Variants in DPF3 observed in about 807,000 individuals in gnomAD.
DPF3 encodes the protein zinc finger protein DPF3.
In DPF3, 18 loss-of-function variants were observed where a neutral mutation model predicts 56.8. The observed-to-expected ratio is 0.32, with a 90% confidence interval of 0.22 to 0.47. The LOEUF (loss-of-function observed/expected upper bound fraction) is 0.47. Among genes scored for constraint, DPF3 ranks in the 20% least tolerant of loss-of-function variants. DPF3 has a pLI of 1.00. For synonymous variants in DPF3, 188 were observed against 180.2 expected (o/e 1.04, Z -0.35); for missense variants, 403 against 488.8 (o/e 0.82, Z 1.65).
intron 8 of DPF3, among the ~76,000 whole-genome samples, chr14:72,653,436 G>A (rs976050352): frequency 3.9e-5 from 6 of 152,244 alleles, no homozygotes; most frequent in South Asian, 2.1e-4. Flanking sequence ...GGTGAAGAGC[G>A]AAGAGAATCA....
intron 7 of DPF3, among the ~76,000 whole-genome samples, chr14:72,687,062 G>T (rs1887443482): frequency 6.6e-6 from 1 of 152,208 alleles, no homozygotes; most frequent in African/African-American, 2.4e-5. Context: ...CTAATTTTCA[G>T]ATTATCTAAT....
At chr14:72,633,051 A>G (rs1885262011) in intron 8 of DPF3, among the ~76,000 whole-genome samples, 1 of 152,194 alleles carries the variant, frequency 6.6e-6, no homozygotes, top group Non-Finnish European at 1.5e-5. Flanking sequence ...TTAAAGAAAT[A>G]CTTGACAGGA....
chr14:72,834,235 G>A lies in DPF3; in HGVS notation c.32+59822C>T, dbSNP rs545669615. Reference sequence around the variant, plus strand: ...AATGAGGCCAGGCATGGAGTCTGACGCCTGTAACGCCAACACTTTGGGAGG... The same window carrying A: ...AATGAGGCCAGGCATGGAGTCTGACACCTGTAACGCCAACACTTTGGGAGG... On this transcript the variant is annotated intron_variant, in intron 1 of 10. Transcript: ENST00000556509. 1.1e-4 allele frequency among the ~76,000 whole-genome samples: 16 copies of A among 152,046 alleles called. No individual in the cohort carries two copies. In the East Asian group the frequency reaches 2.5e-3, roughly 24 times the overall value.
chr14:72,848,165 A>T (rs1027293899), intron 1 of DPF3, among the ~76,000 whole-genome samples: 7 of 150,718 alleles, frequency 4.6e-5, no homozygotes, highest in South Asian at 2.1e-4. Flanking sequence ...AATTTTTTTT[A>T]TTTTTTTTTG....
At position 72,723,909 on chromosome 14, in the gene DPF3, C is replaced by T. The variant is rs1889287794; in HGVS notation, c.430-181G>A. The T allele has an allele frequency of 8.8e-6, 5 of 569,632 alleles. No homozygotes were observed. The South Asian group carries it at 9.4e-5, about 11-fold the overall frequency. The allele number at this position is 569,632 out of a possible 1,614,324, so 35.3% of individuals were successfully genotyped here. ...CTGGAGTTTGAACTCTTGGCACTAC[C>T]GAGGCTCTCCTAAGCCCTTGGGCCC... On this transcript the variant is annotated intron_variant, in intron 4 of 10. Coordinates refer to ENST00000556509, the MANE Select transcript of DPF3 (RefSeq NM_001280542.3).
chr14:72,787,016 T>C (rs568788983), intron 1 of DPF3, among the ~76,000 whole-genome samples: 1 of 152,354 alleles, frequency 6.6e-6, no homozygotes, highest in South Asian at 2.1e-4. Context: ...AGCATTGCCC[T>C]CTCTCCAGAG....
chr14:72,639,867 T>C (rs376658581), intron 8 of DPF3, among the ~76,000 whole-genome samples: 1 of 151,684 alleles, frequency 6.6e-6, no homozygotes, highest in Admixed American at 6.6e-5. Context: ...CTATTATATA[T>C]AGAGAGAGAG....
intron 1 of DPF3, among the ~76,000 whole-genome samples, chr14:72,820,589 A>C (rs1379594184): frequency 1.3e-5 from 2 of 152,206 alleles, no homozygotes; most frequent in Non-Finnish European, 2.9e-5. Flanking sequence ...TTTAGCAGGA[A>C]CATTAAAGTT....
At chr14:72,834,034 T>C (rs1884175683) in intron 1 of DPF3, among the ~76,000 whole-genome samples, 1 of 151,458 alleles carries the variant, frequency 6.6e-6, no homozygotes, top group African/African-American at 2.4e-5. Context: ...ATACAAAAAT[T>C]AGCCAGGTGT....
rs372440062 is a variant in DPF3, at chr14:72,733,250, G to A, written c.302-1316C>T. 4.6e-5 allele frequency among the ~76,000 whole-genome samples: 7 copies of A among 152,308 alleles called. No homozygotes were observed. The South Asian group carries it at 1.5e-3, about 32-fold the overall frequency. ...TACCATTGCACCAGGTAAGCTGGGG[G>A]CAGGAACTATGATGCAGTGGTGTCC... On this transcript the variant is annotated intron_variant, in intron 3 of 10. Transcript: ENST00000556509.
chr14:72,718,204 C>T (rs542825109), intron 5 of DPF3, among the ~76,000 whole-genome samples: 1 of 152,182 alleles, frequency 6.6e-6, no homozygotes, highest in Non-Finnish European at 1.5e-5. Flanking sequence ...TCCTGCTCTT[C>T]CTGTGGTTTG....
chr14:72,856,197 G>A (rs568455005), intron 1 of DPF3, among the ~76,000 whole-genome samples: 10 of 152,202 alleles, frequency 6.6e-5, no homozygotes, highest in Non-Finnish European at 1.2e-4. Context: ...CACAGTATCA[G>A]TCACAGCCCC....
intron 1 of DPF3, among the ~76,000 whole-genome samples, chr14:72,784,835 T>C (rs556807213): frequency 4.1e-4 from 62 of 152,116 alleles, no homozygotes; most frequent in Non-Finnish European, 2.9e-4. Context: ...CAGGTGCCTG[T>C]AGTTCCAGCT....
At chr14:72,812,679 G>C (rs562172741) in intron 1 of DPF3, among the ~76,000 whole-genome samples, 115 of 152,280 alleles carry the variant, frequency 7.6e-4, no homozygotes, top group African/African-American at 2.5e-3. Flanking sequence ...GCTAGGCCTG[G>C]GGGGAGAGGG....
rs181955347 is a variant in DPF3, at chr14:72,611,898, T to G, written c.*7399A>C. On this transcript the variant is annotated 3_prime_UTR_variant, in exon 11 of 11. Transcript: ENST00000556509. ...GAGAAACCTACATATACTTACACCT[T>G]CCGTGATGGCGCGATACTTGACCTA... Among the ~76,000 whole-genome samples, 369 of 152,126 alleles carry G rather than the reference T, an allele frequency of 2.4e-3. 5 individuals are homozygous for G. Among genetic ancestry groups the G allele is most frequent in the Non-Finnish European group, 3.2e-4 (22 of 68,012 alleles).
At chr14:72,723,904 A>G (rs564647850) in intron 4 of DPF3, 176 bp from the exon 5 acceptor site, 2 of 584,842 alleles carry the variant, frequency 3.4e-6, no homozygotes, top group East Asian at 3.2e-5. Flanking sequence ...AACTCTTGGC[A>G]CTACCGAGGC....
At chr14:72,674,085 G>T (rs1886806981) in intron 8 of DPF3, 155 bp downstream of exon 8, 10 of 1,209,014 alleles carry the variant, frequency 8.3e-6, no homozygotes, top group Non-Finnish European at 9.9e-6. Flanking sequence ...ACCCAAAGAA[G>T]AAAAATATCA....
At chr14:72,819,857 G>A (rs957033047) in intron 1 of DPF3, among the ~76,000 whole-genome samples, 4 of 152,166 alleles carry the variant, frequency 2.6e-5, no homozygotes, top group African/African-American at 9.7e-5. Flanking sequence ...AGGATCACTT[G>A]AGCCCAGGAG....
At chr14:72,761,360 C>A (rs1357140844) in intron 2 of DPF3, among the ~76,000 whole-genome samples, 1 of 151,828 alleles carries the variant, frequency 6.6e-6, no homozygotes, top group Non-Finnish European at 1.5e-5. Flanking sequence ...AGAATTTGAA[C>A]CATAAAAATT....
Sources: allele counts gnomAD v4.1 joint callset (sites outside exome capture counted in the v4.1 genomes callset), GRCh38; gene constraint gnomAD v4.1.1; transcripts MANE v1.5; gene names NCBI Gene and HGNC (gene_info 2026-07-23, HGNC 2026-07-21).